The following FREM3 variants were observed in gnomAD, a reference collection of about 807,000 sequenced individuals.
FREM3 encodes FRAS1-related extracellular matrix protein 3.
Under a neutral mutation model 129.1 loss-of-function variants are expected in FREM3, and 105 were observed. The observed-to-expected ratio is 0.81, with a 90% CI of 0.69 to 0.96. The LOEUF (loss-of-function observed/expected upper bound fraction) is 0.96. Among genes scored for constraint, FREM3 ranks in the 40% least tolerant of loss-of-function variants. The pLI is 0.00. For synonymous variants in FREM3, 1,014 were observed against 1,044.9 expected, an observed-to-expected ratio of 0.97 and a Z score of 0.57; for missense variants, 2,593 against 2,666.3, an observed-to-expected ratio of 0.97 and a Z score of 0.61.
In FREM3 at chr4:143,698,239, T is replaced by C; in HGVS notation, c.2437A>G (p.Ser813Gly). 1 of 1,537,448 alleles carries C rather than the reference T, an allele frequency of 6.5e-7. No individual in the cohort carries two copies. Among genetic ancestry groups the C allele is most frequent in the Non-Finnish European group, 8.7e-7 (1 of 1,146,932 alleles). ...AATAATGTGAATGTGCCTGGCACGC[T>C]ATTGCCTGCAGCATCTTCCACCTGG... is the stretch of plus-strand genomic sequence containing the variant. ...TYQVEDAAGN[S>G]VPGTFTLFLQ... The change falls in exon 1 of 8, where the codon AGC becomes GGC. Residue 813 changes from serine to glycine, a missense_variant. Ser to Gly is a moderately conservative substitution (Grantham distance 56). Transcript: ENST00000329798.
intron 2 of FREM3, among the ~76,000 whole-genome samples, chr4:143,679,263 G>A (rs936006872): frequency 2.6e-5 from 4 of 152,242 alleles, no homozygotes; most frequent in East Asian, 1.9e-4. Context: ...AGAAGGTTAC[G>A]AGTGTGCCCA....
intron 2 of FREM3, among the ~76,000 whole-genome samples, chr4:143,671,885 A>G (rs976912257): frequency 6.6e-6 from 1 of 152,226 alleles, no homozygotes; most frequent in African/African-American, 2.4e-5. Context: ...AGCAGGATCT[A>G]AAATTAGTAA....
chr4:143,625,424 G>A (rs1296380705), intron 3 of FREM3, among the ~76,000 whole-genome samples: 1 of 152,194 alleles, frequency 6.6e-6, no homozygotes, highest in Non-Finnish European at 1.5e-5. Flanking sequence ...TCTGAAACTT[G>A]TAAAAGATAC....
chr4:143,616,828 G>C (rs1310414444), intron 5 of FREM3, among the ~76,000 whole-genome samples: 1 of 151,786 alleles, frequency 6.6e-6, no homozygotes, highest in Non-Finnish European at 1.5e-5. Context: ...AGAATCATCT[G>C]TTTTCTACCT....
chr4:143,699,321 GAC>G lies in FREM3; in HGVS notation c.1353_1354del (p.Leu451PhefsTer10). On this transcript the variant is annotated frameshift_variant, in exon 1 of 8. Transcript: ENST00000329798. LOFTEE classifies it high-confidence loss of function. The surrounding 1 kb of genome is among the most constrained non-coding windows in gnomAD (Gnocchi z 4.2). ...ACTGATAGGAATGCTGTGGGTGCTG[GAC>G]AAGGGCCTTGACTGACCTTCAAAAA... 6.5e-7 allele frequency: 1 copy of G among 1,537,366 alleles called. No homozygotes were observed.
At chr4:143,650,379 T>A (rs935251294) in intron 2 of FREM3, among the ~76,000 whole-genome samples, 3 of 152,226 alleles carry the variant, frequency 2.0e-5, no homozygotes, top group African/African-American at 7.2e-5. Flanking sequence ...CAGCCATATC[T>A]TATAAATGAC....
chr4:143,617,779 G>A (rs1342181647), intron 5 of FREM3, among the ~76,000 whole-genome samples: 2 of 152,180 alleles, frequency 1.3e-5, no homozygotes, highest in East Asian at 3.9e-4. Flanking sequence ...GAAAGGATGT[G>A]CCTAATTCTT....
intron 2 of FREM3, among the ~76,000 whole-genome samples, chr4:143,651,618 G>A (rs917929597): frequency 4.6e-5 from 7 of 152,190 alleles, no homozygotes; most frequent in Admixed American, 3.9e-4. Context: ...TAGTAAAGTG[G>A]TCAACTGAAA....
Position 143,695,736 on chromosome 4 carries a change from A to G in FREM3, c.4940T>C (p.Val1647Ala). 1 of 1,537,238 alleles carries G rather than the reference A, an allele frequency of 6.5e-7. No homozygotes were observed. Among genetic ancestry groups the G allele is most frequent in the Non-Finnish European group, 8.7e-7 (1 of 1,146,906 alleles). Reference sequence around the variant, plus strand: ...TAATGATCTTATCTGGACCCTCATTACTTGAGGTTTGTGTGTCGCCAGGGC... The same window carrying G: ...TAATGATCTTATCTGGACCCTCATTGCTTGAGGTTTGTGTGTCGCCAGGGC... ...DTALATHKPQ[V>A]MRVQIRSLDN... Residue 1647 changes from valine to alanine, a missense_variant, in exon 1 of 8, where the codon GTA becomes GCA. Transcript: ENST00000329798.
intron 3 of FREM3, among the ~76,000 whole-genome samples, chr4:143,626,418 G>A (rs1324114991): frequency 2.0e-5 from 3 of 152,136 alleles, no homozygotes; most frequent in Non-Finnish European, 2.9e-5. Flanking sequence ...GGACAGGGTG[G>A]CCAGAAGGAT....
At chr4:143,635,512 C>A (rs1341517951) in intron 2 of FREM3, among the ~76,000 whole-genome samples, 1 of 152,180 alleles carries the variant, frequency 6.6e-6, no homozygotes, top group East Asian at 1.9e-4. Flanking sequence ...TAGATACCAA[C>A]AGCATTCCCT....
intron 6 of FREM3, among the ~76,000 whole-genome samples, chr4:143,597,182 G>A (rs761585797): frequency 1.3e-5 from 2 of 152,232 alleles, no homozygotes; most frequent in Non-Finnish European, 1.5e-5. Flanking sequence ...AATCGTTGGC[G>A]AGAGGGAGAG....
chr4:143,697,916 A>G lies in FREM3; in HGVS notation c.2760T>C (p.Ser920=). ...TTSDTFHLEV[S]DGVHHIPITI... ...TGATGGGTATATGGTGCACCCCATC[A>G]CTTACTTCCAGATGGAAAGTGTCAC... The change falls in exon 1 of 8, where the codon AGT becomes AGC. Residue 920 remains serine, a synonymous_variant. Coordinates refer to ENST00000329798, the MANE Select transcript of FREM3 (RefSeq NM_001168235.2). 2 of 1,537,892 alleles carry G rather than the reference A, an allele frequency of 1.3e-6. No individual in the cohort carries two copies. Among genetic ancestry groups the G allele is most frequent in the African/African-American group, 1.4e-5 (1 of 73,164 alleles).
intron 4 of FREM3, among the ~76,000 whole-genome samples, chr4:143,621,585 A>C (rs1299948084): frequency 6.6e-6 from 1 of 152,250 alleles, no homozygotes; most frequent in African/African-American, 2.4e-5. Context: ...TTCATTCAAC[A>C]AACTGCTTAT....
intron 6 of FREM3, among the ~76,000 whole-genome samples, chr4:143,592,006 G>T (rs973196779): frequency 2.6e-5 from 4 of 152,104 alleles, no homozygotes; most frequent in Admixed American, 2.0e-4. Context: ...GGCCTTCTTT[G>T]TCTCTTTTGA....
chr4:143,654,125 C>T lies in FREM3; in HGVS notation c.5276-26365G>A, dbSNP rs866722810. Among the ~76,000 whole-genome samples, 23 of 152,250 alleles carry T rather than the reference C, an allele frequency of 1.5e-4. No individual in the cohort carries two copies. The East Asian group carries it at 1.7e-3, about 11-fold the overall frequency. On this transcript the variant is annotated intron_variant, in intron 2 of 7. Coordinates refer to ENST00000329798, the MANE Select transcript of FREM3 (RefSeq NM_001168235.2). The stretch of plus-strand genomic sequence containing the variant: ...TAAAAAAATTTTTTTATTTTTGAGA[C>T]GGAGTCTCACTCTGTCACCTAGGCT...
chr4:143,697,141 T>C lies in FREM3; in HGVS notation c.3535A>G (p.Asn1179Asp). The C allele has an allele frequency of 1.3e-6, 2 of 1,537,866 alleles. No homozygotes were observed. Among genetic ancestry groups the C allele is most frequent in the Non-Finnish European group, 1.7e-6 (2 of 1,147,036 alleles). Reference sequence around the variant, plus strand: ...AGGATGATTATAGGGAAGAAGACATTTGGGGAGAAGTTGATGCCATCAGAG... The same window carrying C: ...AGGATGATTATAGGGAAGAAGACATCTGGGGAGAAGTTGATGCCATCAGAG... Reference protein sequence around the residue: ...YCSDGINFSPNVFFPIIILPT... With the variant: ...YCSDGINFSPDVFFPIIILPT... The change falls in exon 1 of 8, where the codon AAT (asparagine) becomes GAT (aspartate). Residue 1179 changes from asparagine (N) to aspartate (D), a missense_variant. Coordinates refer to ENST00000329798, the MANE Select transcript of FREM3 (RefSeq NM_001168235.2).
chr4:143,696,366 A>G lies in FREM3; in HGVS notation c.4310T>C (p.Ile1437Thr), dbSNP rs755317472. The G allele has an allele frequency of 2.1e-5, 33 of 1,537,346 alleles. No homozygotes were observed. The highest frequency in any genetic ancestry group is 2.8e-5 in the Non-Finnish European group (32 of 1,146,904). ...PEVISKRITLIEGARVTLTNN... is the reference protein window; with the variant it reads ...PEVISKRITLTEGARVTLTNN... ...GGTAAGGGTCACTCTGGCACCTTCTATCAAGGTGATCCTTTTGCTGATTAC... is the reference window on the plus strand; with the variant it reads ...GGTAAGGGTCACTCTGGCACCTTCTGTCAAGGTGATCCTTTTGCTGATTAC... The change falls in exon 1 of 8, where the codon ATA (isoleucine) becomes ACA (threonine). Residue 1437 changes from isoleucine (I) to threonine (T), a missense_variant. Ile to Thr is a moderately conservative substitution (Grantham distance 89, BLOSUM62 -1). Coordinates refer to ENST00000329798, the MANE Select transcript of FREM3 (RefSeq NM_001168235.2).
At chr4:143,658,126 A>G (rs1739633731) in intron 2 of FREM3, among the ~76,000 whole-genome samples, 1 of 152,214 alleles carries the variant, frequency 6.6e-6, no homozygotes, top group African/African-American at 2.4e-5. Context: ...AAACAAAGTT[A>G]TGTGTGCAAA....
Sources: gnomAD v4.1 joint callset for allele counts (sites outside exome capture counted in the v4.1 genomes callset) on GRCh38, gnomAD v4.1.1 for gene constraint, Gnocchi (gnomAD v3.1) non-coding constraint, MANE v1.5 for transcripts, NCBI Gene and HGNC (gene_info 2026-07-23, HGNC 2026-07-21) for gene names.